ADAMDEC1: variants seen among roughly 807,000 people sequenced by gnomAD.
The protein encoded by ADAMDEC1 is ADAM DEC1.
A neutral mutation model predicts 60.4 loss-of-function variants in ADAMDEC1; 62 were observed. The observed-to-expected ratio is 1.03, with a 90% CI of 0.84 to 1.27. ADAMDEC1 has a LOEUF of 1.27. Ranked by LOEUF, ADAMDEC1 falls within the 50% of genes most tolerant of loss-of-function variation. The pLI, the probability that ADAMDEC1 is intolerant of heterozygous loss-of-function variation, is 0.00. For synonymous variants in ADAMDEC1, 210 were observed against 195.1 expected (o/e 1.08, Z -0.64); for missense variants, 595 against 565.0 (o/e 1.05, Z -0.54).
At chr8:24,393,099 A>G (rs1049113297) in intron 2 of ADAMDEC1, among the ~76,000 whole-genome samples, 163 bp from the exon 3 acceptor site, 1 of 152,004 alleles carries the variant, frequency 6.6e-6, no homozygotes, top group Non-Finnish European at 1.5e-5. Flanking sequence ...TTGGAAGTCC[A>G]TGTTAGTGCA....
rs754187674 is a variant in ADAMDEC1 at position 24,394,065 on chromosome 8, A to G, written c.285-4A>G. 5 of 1,609,518 alleles carry G rather than the reference A, an allele frequency of 3.1e-6. No individual in the cohort carries two copies. In the South Asian group the frequency reaches 5.5e-5, roughly 18 times the overall value. On this transcript the variant is annotated splice_region_variant and splice_polypyrimidine_tract_variant and intron_variant, in intron 3 of 13. Coordinates refer to ENST00000256412, the MANE Select transcript of ADAMDEC1 (RefSeq NM_014479.3). ...TGGTCCATGCAGCTCTCTGCTCTCT[A>G]CAGGCACCTCCTGGGGCCAGACTAC...
At position 24,399,452 on chromosome 8, in the gene ADAMDEC1, C is replaced by T; in HGVS notation, c.989C>T (p.Pro330Leu). Reference protein sequence around the residue: ...GLAASNSLCSPSSVAVIEAKK... With the variant: ...GLAASNSLCSLSSVAVIEAKK... ...GCAGCTTCAAATTCCTTGTGTTCCCCATCTTCGGTTGCTGTTATTGAGGTT... is the reference window on the plus strand; with the variant it reads ...GCAGCTTCAAATTCCTTGTGTTCCCTATCTTCGGTTGCTGTTATTGAGGTT... Residue 330 changes from proline (P) to leucine (L), a missense_variant, in exon 10 of 14, where the codon CCA becomes CTA. Transcript: ENST00000256412. 6.2e-7 allele frequency: 1 copy of T among 1,613,786 alleles called. No individual in the cohort carries two copies. Among genetic ancestry groups the T allele is most frequent in the Non-Finnish European group, 8.5e-7 (1 of 1,179,832 alleles).
At position 24,397,748 on chromosome 8, in the gene ADAMDEC1, G is replaced by A; in HGVS notation, c.690+3G>A. On this transcript the variant is annotated splice_donor_region_variant and intron_variant, in intron 7 of 13. Transcript: ENST00000256412. ...ATTTGGTGCTGGATAATGCCTTTGT[G>A]AGTATGAAACACACGGCCCTCTCGG... The A allele has an allele frequency of 1.2e-6, 2 of 1,612,442 alleles. No individual in the cohort carries two copies. The highest frequency in any genetic ancestry group is 1.7e-6 in the Non-Finnish European group (2 of 1,179,290).
At position 24,397,464 on chromosome 8, in the gene ADAMDEC1, C is replaced by T. The variant is rs548418718; in HGVS notation, c.627+8C>T. ...TCACTCAAAAGCCCAGAGGTGAATA[C>T]AATTCCCTTACCTCATCATTTACTT... On this transcript the variant is annotated splice_region_variant and intron_variant, in intron 6 of 13. Transcript: ENST00000256412. 1.4e-5 allele frequency: 23 copies of T among 1,611,964 alleles called. No homozygotes were observed. Among genetic ancestry groups the T allele is most frequent in the Non-Finnish European group, 1.8e-5 (21 of 1,179,430 alleles).
chr8:24,392,510 C>A, intron 2 of ADAMDEC1, 130 bp downstream of exon 2: 1 of 614,304 alleles, frequency 1.6e-6, no homozygotes, highest in Non-Finnish European at 2.7e-6. Flanking sequence ...GTATACAACT[C>A]CCCTTTGTTC....
Position 24,398,939 on chromosome 8 carries a change from G to C in ADAMDEC1, c.828G>C (p.Lys276Asn). The C allele has an allele frequency of 2.5e-6, 4 of 1,613,910 alleles. No homozygotes were observed. The highest frequency in any genetic ancestry group is 3.4e-6 in the Non-Finnish European group (4 of 1,179,894). The change falls in exon 9 of 14, where the codon AAG (lysine) becomes AAC (asparagine). Residue 276 changes from lysine to asparagine, a missense_variant. Lys to Asn is a moderately conservative substitution (Grantham distance 94). Coordinates refer to ENST00000256412, the MANE Select transcript of ADAMDEC1 (RefSeq NM_014479.3). ...VGMEIWSDGD[K>N]IKVVPSASTT... The stretch of plus-strand genomic sequence containing the variant: ...TGGAAATCTGGTCTGATGGGGATAA[G>C]ATAAAGGTGGTGCCCAGCGCAAGCA...
At chr8:24,404,125 C>A (rs757897721) in intron 13 of ADAMDEC1, 37 bp downstream of exon 13, 16 of 1,583,526 alleles carry the variant, frequency 1.0e-5, no homozygotes, top group Middle Eastern at 3.3e-4. Context: ...AAAACGTTTT[C>A]TCACGTTTAT....
chr8:24,400,088 T>C (rs902292869), intron 10 of ADAMDEC1, 82 bp from the exon 11 acceptor site: 6 of 1,175,382 alleles, frequency 5.1e-6, no homozygotes, highest in Non-Finnish European at 6.8e-6. Context: ...CTAGTTTTCA[T>C]CTCTTAAGCC....
At chr8:24,394,000 G>A in intron 3 of ADAMDEC1, 69 bp from the exon 4 acceptor site, 2 of 1,010,888 alleles carry the variant, frequency 2.0e-6, no homozygotes, top group Admixed American at 1.9e-5. Context: ...CTATTTTAGT[G>A]CTGAAGTTCA....
chr8:24,395,345 C>G (rs1347689052), intron 4 of ADAMDEC1, among the ~76,000 whole-genome samples: 1 of 152,194 alleles, frequency 6.6e-6, no homozygotes. Flanking sequence ...AACCTGAGGA[C>G]CCACTGGGAG....
At chr8:24,399,673 C>T (rs1172278203) in intron 10 of ADAMDEC1, among the ~76,000 whole-genome samples, 199 bp downstream of exon 10, 7 of 152,070 alleles carry the variant, frequency 4.6e-5, no homozygotes, top group Admixed American at 3.9e-4. Flanking sequence ...CTTGCTAGAA[C>T]GTGCCATATC....
rs906950159 is a variant in ADAMDEC1 at position 24,397,714 on chromosome 8, T to C, written c.659T>C (p.Ile220Thr). 2 of 1,613,564 alleles carry C rather than the reference T, an allele frequency of 1.2e-6. No homozygotes were observed. Among genetic ancestry groups the C allele is most frequent in the African/African-American group, 2.7e-5 (2 of 74,926 alleles). Residue 220 changes from isoleucine (I) to threonine (T), a missense_variant, in exon 7 of 14, where the codon ATT (isoleucine) becomes ACT (threonine). Transcript: ENST00000256412. ...GACTTTCTTCGGGCACAGAAATACA[T>C]TGATCTCTATTTGGTGCTGGATAAT... is the stretch of plus-strand genomic sequence containing the variant. ...KEDFLRAQKY[I>T]DLYLVLDNAF...
At position 24,397,948 on chromosome 8, in the gene ADAMDEC1, G is replaced by A. The variant is rs376541436; in HGVS notation, c.690+203G>A. Among the ~76,000 whole-genome samples, 25 of 151,740 alleles carry A rather than the reference G, an allele frequency of 1.6e-4. No homozygotes were observed. The East Asian group carries it at 4.8e-3, about 29-fold the overall frequency. On this transcript the variant is annotated intron_variant, in intron 7 of 13. Transcript: ENST00000256412. ...TCTGCCACCAAAATATTTAGTATTG[G>A]CAATATACTTAATACCAGATAGCTA...
Position 24,401,917 on chromosome 8 carries a change from C to A in ADAMDEC1, c.1145C>A (p.Ser382Ter). The A allele has an allele frequency of 6.2e-7, 1 of 1,606,346 alleles. No homozygotes were observed. The highest frequency in any genetic ancestry group is 1.1e-5 in the South Asian group (1 of 90,564). Reference sequence around the variant, plus strand: ...TTTGAGTTTTCTTCTGATTACAGTTCAAAATTCCCAAAGGATTTCAGTACA... The same window carrying A: ...TTTGAGTTTTCTTCTGATTACAGTTAAAAATTCCCAAAGGATTTCAGTACA... ...GSCVMNQYLSSKFPKDFSTSC... is the reference protein window; with the variant it reads ...GSCVMNQYLS The change falls in exon 12 of 14, where the codon TCA becomes TAA. Residue 382 changes from serine (S) to a stop codon, truncating the protein, a stop_gained and splice_region_variant. Coordinates refer to ENST00000256412, the MANE Select transcript of ADAMDEC1 (RefSeq NM_014479.3). LOFTEE classifies it high-confidence loss of function.
At position 24,397,758 on chromosome 8, in the gene ADAMDEC1, C is replaced by T. The variant is rs553596276; in HGVS notation, c.690+13C>T. ...GGATAATGCCTTTGTGAGTATGAAA[C>T]ACACGGCCCTCTCGGCCAGTTCAGT... On this transcript the variant is annotated intron_variant, in intron 7 of 13. Coordinates refer to ENST00000256412, the MANE Select transcript of ADAMDEC1 (RefSeq NM_014479.3). 11 of 1,610,164 alleles carry T rather than the reference C, an allele frequency of 6.8e-6. No homozygotes were observed. The highest frequency in any genetic ancestry group is 4.5e-5 in the East Asian group (2 of 44,714).
chr8:24,398,528 G>T lies in ADAMDEC1; in HGVS notation c.739G>T (p.Asp247Tyr). ...NLTLIRSFVF[D>Y]VMNLLNVIYN... ...AACTCTGATAAGAAGCTTTGTGTTT[G>T]ATGTGATGAACCTACTCAATGTGGT... The change falls in exon 8 of 14, where the codon GAT becomes TAT. Residue 247 changes from aspartate (D) to tyrosine (Y), a missense_variant. By Grantham distance (160) the Asp-to-Tyr change is radical. Transcript: ENST00000256412. 1 of 1,602,854 alleles carries T rather than the reference G, an allele frequency of 6.2e-7. No individual in the cohort carries two copies. The highest frequency in any genetic ancestry group is 1.1e-5 in the South Asian group (1 of 90,364).
At chr8:24,403,958 G>T (rs1359345461) in intron 12 of ADAMDEC1, 45 bp from the exon 13 acceptor site, 30 of 1,542,918 alleles carry the variant, frequency 1.9e-5, no homozygotes, top group Non-Finnish European at 2.7e-5. Flanking sequence ...TCTATGGGAA[G>T]AAAATGTTGA....
intron 1 of ADAMDEC1, among the ~76,000 whole-genome samples, chr8:24,389,887 G>A (rs1368595379): frequency 6.6e-6 from 1 of 152,136 alleles, no homozygotes; most frequent in African/African-American, 2.4e-5. Context: ...ATCTTGATGT[G>A]ACTATCATTA....
rs1817239212 is a variant in ADAMDEC1 at position 24,384,388 on chromosome 8, C to A, written c.-117C>A. ...CTGCAATTTTTTGACAATTTCCCAA[C>A]ACTCTTAAGAAACATTCCCCAATCT... On this transcript the variant is annotated 5_prime_UTR_variant, in exon 1 of 14. Coordinates refer to ENST00000256412, the MANE Select transcript of ADAMDEC1 (RefSeq NM_014479.3). 1 of 785,624 alleles carries A rather than the reference C, an allele frequency of 1.3e-6. No homozygotes were observed. Among genetic ancestry groups the A allele is most frequent in the Non-Finnish European group, 2.0e-6 (1 of 511,608 alleles). The allele number at this position is 785,624 out of a possible 1,614,324, so 48.7% of individuals were successfully genotyped here.
Sources: allele counts gnomAD v4.1 joint callset (sites outside exome capture counted in the v4.1 genomes callset), GRCh38; gene constraint gnomAD v4.1.1; transcripts MANE v1.5; gene names NCBI Gene and HGNC (gene_info 2026-07-23, HGNC 2026-07-21).